MYO5B: variants seen among roughly 807,000 people sequenced by gnomAD.
The protein encoded by MYO5B is myosin VB.
A neutral mutation model predicts 229.3 loss-of-function variants in MYO5B; 143 were observed. That is an observed-to-expected ratio of 0.62 (90% confidence interval 0.54 to 0.72). The LOEUF (loss-of-function observed/expected upper bound fraction) is 0.72, where lower values mean the gene tolerates loss of function less well. Among genes scored for constraint, MYO5B ranks in the 30% least tolerant of loss-of-function variants. The pLI, the probability that MYO5B is intolerant of heterozygous loss-of-function variation, is 0.00. For synonymous variants in MYO5B, 918 were observed against 885.2 expected (o/e 1.04, Z -0.66); for missense variants, 2,321 against 2,331.0 (o/e 1.00, Z 0.09).
At chr18:49,928,321 G>T (rs57587207) in intron 17 of MYO5B, among the ~76,000 whole-genome samples, 2,306 of 152,308 alleles carry the variant, frequency 0.015, 67 homozygotes, top group African/African-American at 0.053. Flanking sequence ...GGAAAACAGT[G>T]TGGATATTCC....
chr18:49,839,630 T>C (rs967066769), intron 35 of MYO5B, among the ~76,000 whole-genome samples: 2 of 152,076 alleles, frequency 1.3e-5, no homozygotes, highest in Admixed American at 1.3e-4. Flanking sequence ...ATCCAGCGCT[T>C]TCCTCAATAT....
intron 8 of MYO5B, 27 bp from the exon 9 acceptor site, chr18:49,980,580 A>T: frequency 1.4e-6 from 2 of 1,461,764 alleles, no homozygotes; most frequent in Non-Finnish European, 9.6e-7. Context: ...AATGGATGAC[A>T]CTCAGTATCC....
At chr18:49,934,882 T>C (rs998763645) in intron 16 of MYO5B, among the ~76,000 whole-genome samples, 1 of 152,154 alleles carries the variant, frequency 6.6e-6, no homozygotes, top group African/African-American at 2.4e-5. Flanking sequence ...AGAGTCAAAA[T>C]TGTCAAAGTA....
intron 16 of MYO5B, among the ~76,000 whole-genome samples, chr18:49,932,191 C>T (rs2025200717): frequency 1.3e-5 from 2 of 152,202 alleles, no homozygotes; most frequent in South Asian, 2.1e-4. Flanking sequence ...TCTGGTATCC[C>T]CACATCATGC....
At chr18:49,835,315 C>G (rs1317342997) in intron 39 of MYO5B, 29 bp downstream of exon 39, 1 of 1,533,688 alleles carries the variant, frequency 6.5e-7, no homozygotes, top group South Asian at 1.1e-5. Context: ...GTAGACTGGA[C>G]TTTATAAAAT....
At chr18:49,935,358 C>T (rs192976892) in intron 16 of MYO5B, among the ~76,000 whole-genome samples, 51 of 152,350 alleles carry the variant, frequency 3.3e-4, no homozygotes, top group African/African-American at 1.2e-3. Flanking sequence ...GCGTGACAAG[C>T]GGCTCCCACA....
At chr18:49,852,610 G>A (rs990027942) in intron 31 of MYO5B, among the ~76,000 whole-genome samples, 3 of 152,088 alleles carry the variant, frequency 2.0e-5, no homozygotes, top group East Asian at 1.9e-4. Context: ...GCACATGAAC[G>A]TGCTGCACTC....
intron 4 of MYO5B, among the ~76,000 whole-genome samples, chr18:50,033,114 A>G (rs2026408547): frequency 6.6e-6 from 1 of 152,216 alleles, no homozygotes; most frequent in South Asian, 2.1e-4. Flanking sequence ...AGTTGCACCA[A>G]TTGACATTCC....
At chr18:49,906,701 T>G in intron 18 of MYO5B, 71 bp from the exon 19 acceptor site, 2 of 1,350,934 alleles carry the variant, frequency 1.5e-6, no homozygotes, top group Non-Finnish European at 2.1e-6. Context: ...ATACCACCCT[T>G]GTTCTTCCCA....
intron 22 of MYO5B, among the ~76,000 whole-genome samples, chr18:49,894,703 T>C (rs904361434): frequency 6.6e-6 from 1 of 152,238 alleles, no homozygotes; most frequent in Non-Finnish European, 1.5e-5. Context: ...GCAGACACCA[T>C]GTGCCCCTCC....
intron 1 of MYO5B, among the ~76,000 whole-genome samples, chr18:50,129,041 GCAGGGCTGT>G (rs1261180607): frequency 6.6e-6 from 1 of 152,200 alleles, no homozygotes; most frequent in Non-Finnish European, 1.5e-5. Context: ...ACTGCTTAAT[GCAGGGCTGT>G]CAGAGCCGGC....
At chr18:50,152,739 A>G (rs1220299382) in intron 1 of MYO5B, among the ~76,000 whole-genome samples, 1 of 152,128 alleles carries the variant, frequency 6.6e-6, no homozygotes, top group East Asian at 1.9e-4. Flanking sequence ...AAAACCCAGG[A>G]AAGCTAAAAT....
chr18:49,852,142 G>A (rs1409907218), intron 31 of MYO5B, among the ~76,000 whole-genome samples: 1 of 152,238 alleles, frequency 6.6e-6, no homozygotes, highest in East Asian at 1.9e-4. Context: ...CCTCTTTCCA[G>A]TCACTAACTC....
intron 18 of MYO5B, among the ~76,000 whole-genome samples, chr18:49,908,149 C>T (rs2024920492): frequency 1.3e-5 from 2 of 151,890 alleles, no homozygotes; most frequent in Non-Finnish European, 2.9e-5. Context: ...TTCCCTATTT[C>T]GGAAAAAAAA....
At chr18:50,033,217 C>T (rs2026409627) in intron 4 of MYO5B, among the ~76,000 whole-genome samples, 1 of 152,112 alleles carries the variant, frequency 6.6e-6, no homozygotes, top group Non-Finnish European at 1.5e-5. Context: ...GAGTGCAAGG[C>T]AGTATCTTGT....
chr18:49,889,006 C>T lies in MYO5B; in HGVS notation c.3045+5935G>A, dbSNP rs142964528. Among the ~76,000 whole-genome samples, 466 of 152,308 alleles carry T rather than the reference C, an allele frequency of 3.1e-3. 4 individuals are homozygous for T. The highest frequency in any genetic ancestry group is 9.6e-3 in the African/African-American group (401 of 41,560). On this transcript the variant is annotated intron_variant, in intron 22 of 39. Transcript: ENST00000285039. ...CAACGTGGACCTAGGGATTATATCG[C>T]CAGACTATCACACCCTCAGAACCCA...
chr18:50,031,778 T>C (rs2026392423), intron 4 of MYO5B, among the ~76,000 whole-genome samples: 2 of 152,222 alleles, frequency 1.3e-5, no homozygotes. Flanking sequence ...GACACTAAAA[T>C]TTCTCCATTG....
intron 1 of MYO5B, among the ~76,000 whole-genome samples, chr18:50,108,974 G>C (rs975401274): frequency 2.0e-5 from 3 of 152,094 alleles, no homozygotes; most frequent in Admixed American, 2.0e-4. Flanking sequence ...TGTCTTCTCT[G>C]AACCAGGCTC....
intron 1 of MYO5B, among the ~76,000 whole-genome samples, chr18:50,128,066 G>T (rs747714665): frequency 2.6e-5 from 4 of 152,150 alleles, no homozygotes; most frequent in Non-Finnish European, 4.4e-5. Context: ...AGCTCTCCTG[G>T]GTTTCCAGCT....
Sources: gnomAD v4.1 joint callset for allele counts (sites outside exome capture counted in the v4.1 genomes callset) on GRCh38, gnomAD v4.1.1 for gene constraint, MANE v1.5 for transcripts, NCBI Gene and HGNC (gene_info 2026-07-23, HGNC 2026-07-21) for gene names.